GABRB2: variants seen among roughly 807,000 people sequenced by gnomAD.
GABRB2 encodes the protein gamma-aminobutyric acid receptor subunit beta-2.
Under a neutral mutation model 54.7 loss-of-function variants are expected in GABRB2, and 16 were observed. The ratio of observed to expected loss-of-function variants is 0.29; its 90% confidence interval spans 0.20 to 0.44. The LOEUF (loss-of-function observed/expected upper bound fraction) is 0.44, where lower values mean the gene tolerates loss of function less well. GABRB2 is among the 20% of genes least tolerant of loss of function. The pLI, the probability that GABRB2 is intolerant of heterozygous loss-of-function variation, is 1.00. For synonymous variants in GABRB2, 244 were observed against 233.8 expected, an observed-to-expected ratio of 1.04 and a Z score of -0.40; for missense variants, 355 against 644.0, an observed-to-expected ratio of 0.55 and a Z score of 4.86.
intron 3 of GABRB2, among the ~76,000 whole-genome samples, chr5:161,468,554 T>A (rs1037316953): frequency 1.1e-4 from 17 of 152,010 alleles, no homozygotes; most frequent in African/African-American, 3.9e-4. Flanking sequence ...CTCTGTCACA[T>A]CCCTCATTTT....
rs112748897 is a variant in GABRB2, at chr5:161,509,967, A to G, written c.237+35260T>C. ...ATTATTTCTGTTTTGTTTTGCTTTT[A>G]TTTTTAATTATTTTTAGTTTTAATT... On this transcript the variant is annotated intron_variant, in intron 3 of 9. Transcript: ENST00000393959. 5.5e-3 allele frequency among the ~76,000 whole-genome samples: 838 copies of G among 151,834 alleles called. 8 individuals are homozygous for G. Among genetic ancestry groups the G allele is most frequent in the African/African-American group, 0.019 (783 of 41,442 alleles).
At chr5:161,410,437 C>T (rs1056777199) in intron 5 of GABRB2, among the ~76,000 whole-genome samples, 6 of 151,756 alleles carry the variant, frequency 4.0e-5, no homozygotes, top group African/African-American at 1.5e-4. Flanking sequence ...CAATCTTGCT[C>T]ATCAGATGGC....
chr5:161,432,361 G>A (rs73800507), intron 4 of GABRB2, among the ~76,000 whole-genome samples: 2,540 of 152,142 alleles, frequency 0.017, 61 homozygotes, highest in African/African-American at 0.053. Flanking sequence ...TTTGGAATTC[G>A]GCTAGCACAA....
intron 5 of GABRB2, among the ~76,000 whole-genome samples, chr5:161,345,477 T>C (rs575600444): frequency 6.6e-6 from 1 of 152,198 alleles, no homozygotes; most frequent in South Asian, 2.1e-4. Context: ...ATTATTCTTA[T>C]TCTTTTTTCA....
chr5:161,295,107 A>G (rs772578779), intron 9 of GABRB2, among the ~76,000 whole-genome samples: 8 of 152,230 alleles, frequency 5.3e-5, no homozygotes, highest in Non-Finnish European at 1.0e-4. Flanking sequence ...GAGGAATTCA[A>G]AAATAGGAGC....
intron 9 of GABRB2, among the ~76,000 whole-genome samples, chr5:161,324,004 C>T (rs1363381600): frequency 2.6e-5 from 4 of 152,068 alleles, no homozygotes; most frequent in African/African-American, 9.7e-5. Flanking sequence ...TTATTTTATA[C>T]TTGTTTATAA....
At chr5:161,453,010 T>G (rs1475865382) in intron 4 of GABRB2, among the ~76,000 whole-genome samples, 2 of 152,134 alleles carry the variant, frequency 1.3e-5, no homozygotes, top group Non-Finnish European at 2.9e-5. Flanking sequence ...ACAAAAAAAT[T>G]TCTGTATTTT....
intron 3 of GABRB2, among the ~76,000 whole-genome samples, chr5:161,477,613 C>T (rs1758633379): frequency 6.6e-6 from 1 of 151,854 alleles, no homozygotes; most frequent in Non-Finnish European, 1.5e-5. Flanking sequence ...CATACAACGG[C>T]ATGTTTTTCA....
At chr5:161,313,192 C>A (rs92516) in intron 9 of GABRB2, among the ~76,000 whole-genome samples, 76,597 of 151,914 alleles carry the variant, frequency 0.5, 21,596 homozygotes, top group African/African-American at 0.76. Flanking sequence ...AATAGAGTCT[C>A]GTGTTTGTTA....
chr5:161,514,123 G>T (rs1759862737), intron 3 of GABRB2, among the ~76,000 whole-genome samples: 1 of 152,094 alleles, frequency 6.6e-6, no homozygotes, highest in Non-Finnish European at 1.5e-5. Flanking sequence ...CAGCTCCAGG[G>T]AGCACAGTGA....
chr5:161,464,668 T>C (rs1477863766), intron 3 of GABRB2, among the ~76,000 whole-genome samples: 1 of 152,134 alleles, frequency 6.6e-6, no homozygotes, highest in Non-Finnish European at 1.5e-5. Flanking sequence ...GATACAGGGA[T>C]AGACAAATTG....
At chr5:161,475,203 T>C (rs1475528599) in intron 3 of GABRB2, among the ~76,000 whole-genome samples, 2 of 152,110 alleles carry the variant, frequency 1.3e-5, no homozygotes, top group East Asian at 1.9e-4. Context: ...CTGTAACATG[T>C]CCCAAGATAT....
intron 3 of GABRB2, among the ~76,000 whole-genome samples, chr5:161,536,086 C>G (rs1760625615): frequency 6.6e-6 from 1 of 152,090 alleles, no homozygotes; most frequent in Admixed American, 6.5e-5. Context: ...AATTTCTAGC[C>G]ACCGGAATAG....
At chr5:161,536,155 C>G (rs1202402017) in intron 3 of GABRB2, among the ~76,000 whole-genome samples, 1 of 152,126 alleles carries the variant, frequency 6.6e-6, no homozygotes, top group Non-Finnish European at 1.5e-5. Flanking sequence ...TCTGTTGTAG[C>G]AACACTAAAT....
chr5:161,389,769 C>T (rs901044284), intron 5 of GABRB2, among the ~76,000 whole-genome samples: 1 of 151,864 alleles, frequency 6.6e-6, no homozygotes, highest in African/African-American at 2.4e-5. Context: ...CTCTAGGATA[C>T]ATCTCAAAGG....
intron 5 of GABRB2, among the ~76,000 whole-genome samples, chr5:161,350,047 A>G (rs1002038295): frequency 1.3e-5 from 2 of 152,164 alleles, no homozygotes; most frequent in Non-Finnish European, 2.9e-5. Flanking sequence ...AATTAGGTAT[A>G]GAAGGAATGT....
Position 161,294,195 on chromosome 5 carries a change from T to C in GABRB2, c.1425A>G (p.Lys475=). Residue 475 remains lysine (K), a synonymous_variant, in exon 10 of 10, where the codon AAA becomes AAG. Coordinates refer to ENST00000393959, the MANE Select transcript of GABRB2 (RefSeq NM_001371727.1). Reference sequence around the variant, plus strand: ...CATCAGTCAAGTCAGGGATGGTGATTTTCAGTTGGGAGGCGCGTCTCCTCA... The same window carrying C: ...CATCAGTCAAGTCAGGGATGGTGATCTTCAGTTGGGAGGCGCGTCTCCTCA... ...SRLRRRASQL[K]ITIPDLTDVN... 6.2e-7 allele frequency: 1 copy of C among 1,614,110 alleles called. No individual in the cohort carries two copies. Among genetic ancestry groups the C allele is most frequent in the South Asian group, 1.1e-5 (1 of 91,084 alleles).
At chr5:161,327,093 G>A (rs915278999) in intron 8 of GABRB2, 7 of 448,884 alleles carry the variant, frequency 1.6e-5, no homozygotes, top group African/African-American at 1.5e-4. Context: ...AAGAATGCAA[G>A]GGAAAATAGG....
rs890254286 is a variant in GABRB2 at position 161,518,677 on chromosome 5, C to G, written c.237+26550G>C. Among the ~76,000 whole-genome samples the G allele has an allele frequency of 5.9e-5, 9 of 152,262 alleles. 1 individual carries two copies. Among genetic ancestry groups the G allele is most frequent in the Admixed American group, 5.9e-4 (9 of 15,300 alleles). On this transcript the variant is annotated intron_variant, in intron 3 of 9. Transcript: ENST00000393959. ...ATAAGTCAAAGACTTCTAGGAGTTA[C>G]TCTAAAAATACTCACATCATGGAGA... is the stretch of plus-strand genomic sequence containing the variant.
Sources: gnomAD v4.1 joint callset for allele counts (sites outside exome capture counted in the v4.1 genomes callset) on GRCh38, gnomAD v4.1.1 for gene constraint, MANE v1.5 for transcripts, NCBI Gene and HGNC (gene_info 2026-07-23, HGNC 2026-07-21) for gene names.